CRISPLD1: variants seen among roughly 807,000 people sequenced by gnomAD.
CRISPLD1 encodes cysteine rich secretory protein LCCL domain containing 1.
Under a neutral mutation model 77.5 loss-of-function variants are expected in CRISPLD1, and 60 were observed. The ratio of observed to expected loss-of-function variants is 0.77; its 90% CI spans 0.63 to 0.96. CRISPLD1 has a LOEUF of 0.96. Among genes scored for constraint, CRISPLD1 ranks in the 40% least tolerant of loss-of-function variants. The pLI is 0.00. For synonymous variants in CRISPLD1, 195 were observed against 200.1 expected, an observed-to-expected ratio of 0.97 and a Z score of 0.22; for missense variants, 623 against 615.8, an observed-to-expected ratio of 1.01 and a Z score of -0.12.
At position 75,033,783 on chromosome 8, in the gene CRISPLD1, T is replaced by A. The variant is rs1443708773; in HGVS notation, c.*1541T>A. The A allele has an allele frequency of 6.6e-6, 1 of 151,978 alleles. No individual in the cohort carries two copies. Among genetic ancestry groups the A allele is most frequent in the African/African-American group, 2.4e-5 (1 of 41,404 alleles). 9.4% of individuals were successfully genotyped at this position (151,978 alleles called of 1,614,324 possible). On this transcript the variant is annotated 3_prime_UTR_variant, in exon 15 of 15. Coordinates refer to ENST00000262207, the MANE Select transcript of CRISPLD1 (RefSeq NM_031461.6). ...TCAACATTTTTGATCATATAATAAG[T>A]ACTGGCTTACAGCTAAGTGGTTCCA...
At chr8:75,027,479 A>G (rs993629892) in intron 13 of CRISPLD1, among the ~76,000 whole-genome samples, 19 of 152,288 alleles carry the variant, frequency 1.2e-4, no homozygotes, top group African/African-American at 4.1e-4. Flanking sequence ...GTATACTTCT[A>G]TGTCTTTAAA....
At chr8:74,993,781 A>G (rs1396525112) in intron 2 of CRISPLD1, among the ~76,000 whole-genome samples, 1 of 152,254 alleles carries the variant, frequency 6.6e-6, no homozygotes, top group Non-Finnish European at 1.5e-5. Context: ...TTGTGCTTTT[A>G]TTCATTCCTT....
At chr8:75,030,692 G>A (rs2128789587) in intron 14 of CRISPLD1, among the ~76,000 whole-genome samples, 1 of 151,550 alleles carries the variant, frequency 6.6e-6, no homozygotes. Flanking sequence ...GTGTGTGTGT[G>A]TGTGTGTGTG....
At chr8:75,016,085 T>C (rs1018839203) in intron 6 of CRISPLD1, among the ~76,000 whole-genome samples, 1 of 152,198 alleles carries the variant, frequency 6.6e-6, no homozygotes, top group African/African-American at 2.4e-5. Flanking sequence ...GGAAAAAAAC[T>C]CTATGGACAT....
At chr8:74,999,741 A>G (rs748969971) in intron 2 of CRISPLD1, among the ~76,000 whole-genome samples, 7 of 151,318 alleles carry the variant, frequency 4.6e-5, no homozygotes, top group Non-Finnish European at 7.4e-5. Context: ...AACTGTAACT[A>G]TTAAGGCAGG....
chr8:75,026,032 G>A lies in CRISPLD1; in HGVS notation c.1320+411G>A, dbSNP rs140015875. Among the ~76,000 whole-genome samples, 390 of 152,298 alleles carry A rather than the reference G, an allele frequency of 2.6e-3. 2 individuals carry two copies. The highest frequency in any genetic ancestry group is 8.8e-3 in the African/African-American group (366 of 41,572). On this transcript the variant is annotated intron_variant, in intron 13 of 14. Transcript: ENST00000262207. ...AAATGTAGCATAGAGTCATAGAGAT[G>A]CTACATTGAAATATATGCAAAAGAG...
In CRISPLD1 at chr8:75,016,356, A is replaced by G. The variant is rs141162713; in HGVS notation, c.728-209A>G. Reference sequence around the variant, plus strand: ...GAATATTAGTCGAACATTAACATAAATGAATCAAGGACTTAAAGGCTTATG... The same window carrying G: ...GAATATTAGTCGAACATTAACATAAGTGAATCAAGGACTTAAAGGCTTATG... On this transcript the variant is annotated intron_variant, in intron 6 of 14. Coordinates refer to ENST00000262207, the MANE Select transcript of CRISPLD1 (RefSeq NM_031461.6). 8.1e-3 allele frequency among the ~76,000 whole-genome samples: 1,240 copies of G among 152,318 alleles called. 23 individuals are homozygous for G. The highest frequency in any genetic ancestry group is 0.028 in the African/African-American group (1,170 of 41,578).
At chr8:74,998,862 C>T (rs1187998229) in intron 2 of CRISPLD1, among the ~76,000 whole-genome samples, 1 of 151,644 alleles carries the variant, frequency 6.6e-6, no homozygotes. Flanking sequence ...TCCTGCTTGC[C>T]CTTTGGAGAC....
At chr8:75,019,272 C>T (rs1339098838) in intron 10 of CRISPLD1, among the ~76,000 whole-genome samples, 3 of 152,266 alleles carry the variant, frequency 2.0e-5, no homozygotes, top group African/African-American at 4.8e-5. Flanking sequence ...AAAGTACCAT[C>T]ACAAATAAGC....
intron 13 of CRISPLD1, among the ~76,000 whole-genome samples, chr8:75,028,699 A>G (rs1206889433): frequency 6.6e-6 from 1 of 152,208 alleles, no homozygotes; most frequent in Non-Finnish European, 1.5e-5. Flanking sequence ...AGATTATATG[A>G]CTAGTGCAAT....
intron 2 of CRISPLD1, among the ~76,000 whole-genome samples, chr8:75,011,626 C>A (rs1027467353): frequency 1.3e-5 from 2 of 152,024 alleles, no homozygotes; most frequent in Admixed American, 6.6e-5. Flanking sequence ...ACTAAAATAA[C>A]TTAATCGGTG....
chr8:75,017,041 AT>A lies in CRISPLD1; in HGVS notation c.930-3del. On this transcript the variant is annotated splice_region_variant and splice_polypyrimidine_tract_variant and intron_variant, in intron 8 of 14. Transcript: ENST00000262207. ...CTAAATTTTGTGCCCAATTACTTTT[AT>A]TTAGGTACGAATGTCCTGCTGGCTG... is the stretch of plus-strand genomic sequence containing the variant. The A allele has an allele frequency of 6.2e-7, 1 of 1,609,524 alleles. No homozygotes were observed. Among genetic ancestry groups the A allele is most frequent in the Non-Finnish European group, 8.5e-7 (1 of 1,177,606 alleles).
At chr8:75,029,972 G>A (rs1797218316) in intron 14 of CRISPLD1, among the ~76,000 whole-genome samples, 1 of 152,050 alleles carries the variant, frequency 6.6e-6, no homozygotes, top group Admixed American at 6.6e-5. Flanking sequence ...GATGCCTAGT[G>A]TGATATAAAT....
intron 2 of CRISPLD1, among the ~76,000 whole-genome samples, chr8:74,996,478 C>T (rs540467199): frequency 3.3e-5 from 5 of 152,034 alleles, no homozygotes; most frequent in African/African-American, 1.2e-4. Context: ...GGAGGTGGAG[C>T]TAATCATATT....
At chr8:75,022,520 C>T (rs1014421455) in intron 12 of CRISPLD1, among the ~76,000 whole-genome samples, 6 of 149,742 alleles carry the variant, frequency 4.0e-5, no homozygotes, top group African/African-American at 1.2e-4. Context: ...CCCGGGAGGC[C>T]GAGCTTGCAG....
chr8:75,029,578 G>C, intron 14 of CRISPLD1, 61 bp downstream of exon 14: 1 of 1,511,802 alleles, frequency 6.6e-7, no homozygotes, highest in Non-Finnish European at 9.1e-7. Flanking sequence ...ATTCATGATT[G>C]CTTTACAGTT....
intron 2 of CRISPLD1, among the ~76,000 whole-genome samples, chr8:74,990,275 A>C (rs1356650679): frequency 6.6e-6 from 1 of 151,052 alleles, no homozygotes; most frequent in Non-Finnish European, 1.5e-5. Flanking sequence ...TATACTCCTT[A>C]AGTCTATTTA....
At chr8:75,014,403 T>C (rs1448180339) in intron 5 of CRISPLD1, among the ~76,000 whole-genome samples, 1 of 152,160 alleles carries the variant, frequency 6.6e-6, no homozygotes, top group African/African-American at 2.4e-5. Flanking sequence ...GATTAACAGC[T>C]ATACATTAAT....
intron 2 of CRISPLD1, among the ~76,000 whole-genome samples, chr8:75,006,251 A>G (rs543698647): frequency 5.3e-5 from 8 of 152,284 alleles, no homozygotes; most frequent in Admixed American, 2.0e-4. Flanking sequence ...AGTATTTGTC[A>G]TCTAATTAGG....
Sources: gnomAD v4.1 joint callset for allele counts (sites outside exome capture counted in the v4.1 genomes callset) on GRCh38, gnomAD v4.1.1 for gene constraint, MANE v1.5 for transcripts, NCBI Gene and HGNC (gene_info 2026-07-23, HGNC 2026-07-21) for gene names.